CNTN4: variants seen among roughly 807,000 people sequenced by gnomAD.
The protein encoded by CNTN4 is contactin 4, also known as contactin-4.
In CNTN4, 77 loss-of-function variants were observed where a neutral mutation model predicts 122.5. The observed-to-expected ratio is 0.63, with a 90% CI of 0.52 to 0.76. CNTN4 has a LOEUF of 0.76. Among genes scored for constraint, CNTN4 ranks in the 30% least tolerant of loss-of-function variants. The pLI is 0.00. For synonymous variants in CNTN4, 512 were observed against 447.0 expected (o/e 1.15, Z -1.83); for missense variants, 1,256 against 1,259.1 (o/e 1.00, Z 0.04).
At chr3:2,728,748 T>G (rs2149441870) in intron 4 of CNTN4, among the ~76,000 whole-genome samples, 1 of 152,346 alleles carries the variant, frequency 6.6e-6, no homozygotes, top group South Asian at 2.1e-4. Context: ...ACCCATGCAG[T>G]CTTCCCTGGC....
chr3:2,672,281 CAA>C (rs879690833), intron 4 of CNTN4, among the ~76,000 whole-genome samples: 22,413 of 152,084 alleles, frequency 0.15, 2,057 homozygotes, highest in African/African-American at 0.26. Flanking sequence ...GCTTCCAGGC[CAA>C]TTTGTTTACC....
intron 2 of CNTN4, among the ~76,000 whole-genome samples, chr3:2,130,284 T>C (rs1425366870): frequency 6.6e-6 from 1 of 152,168 alleles, no homozygotes; most frequent in Non-Finnish European, 1.5e-5. Flanking sequence ...TCTGGAGCTC[T>C]GAACCATTGA....
chr3:2,508,963 A>G (rs981681692), intron 3 of CNTN4, among the ~76,000 whole-genome samples: 2 of 152,218 alleles, frequency 1.3e-5, no homozygotes, highest in Non-Finnish European at 2.9e-5. Context: ...GAAGTTGGAA[A>G]TTTTTTAGTT....
At chr3:2,181,054 A>C (rs2036992289) in intron 2 of CNTN4, among the ~76,000 whole-genome samples, 1 of 152,094 alleles carries the variant, frequency 6.6e-6, no homozygotes, top group Non-Finnish European at 1.5e-5. Context: ...TTATCAGTGA[A>C]ATGTGCTTTA....
At chr3:2,503,085 A>G (rs1214617322) in intron 3 of CNTN4, among the ~76,000 whole-genome samples, 1 of 152,216 alleles carries the variant, frequency 6.6e-6, no homozygotes, top group Non-Finnish European at 1.5e-5. Context: ...TCATAGTCTA[A>G]TAGAAGAAAT....
At chr3:2,536,752 A>C (rs1291635908) in intron 3 of CNTN4, among the ~76,000 whole-genome samples, 1 of 152,068 alleles carries the variant, frequency 6.6e-6, no homozygotes, top group African/African-American at 2.4e-5. Context: ...TCAGATATCA[A>C]GGCCTAGCAA....
At chr3:2,636,464 G>T (rs562621455) in intron 4 of CNTN4, among the ~76,000 whole-genome samples, 4 of 152,082 alleles carry the variant, frequency 2.6e-5, no homozygotes, top group Admixed American at 2.0e-4. Flanking sequence ...AAAAACCCAG[G>T]AATTATTTAT....
Position 2,346,110 on chromosome 3 carries a change from A to G in CNTN4, c.-89+6877A>G, listed in dbSNP as rs911390178. ...CTGAAATATTTTTAACATTCTTTCC[A>G]TCACCTTACTTTGTGTCAGGATTTT... is the stretch of plus-strand genomic sequence containing the variant. On this transcript the variant is annotated intron_variant, in intron 3 of 24. Coordinates refer to ENST00000418658, the MANE Select transcript of CNTN4 (RefSeq NM_175607.3). Among the ~76,000 whole-genome samples the G allele has an allele frequency of 4.6e-5, 7 of 152,226 alleles. No individual in the cohort carries two copies. In the South Asian group the frequency reaches 1.2e-3, roughly 27 times the overall value.
At chr3:2,893,119 C>T (rs2094063405) in intron 10 of CNTN4, among the ~76,000 whole-genome samples, 1 of 152,116 alleles carries the variant, frequency 6.6e-6, no homozygotes, top group Non-Finnish European at 1.5e-5. Context: ...AGTTGGTCAC[C>T]TGGTTATTGA....
intron 3 of CNTN4, among the ~76,000 whole-genome samples, chr3:2,504,737 G>A (rs2076688423): frequency 6.6e-6 from 1 of 152,076 alleles, no homozygotes; most frequent in Non-Finnish European, 1.5e-5. Context: ...AGGACAAATT[G>A]ACCATACCTT....
At chr3:2,155,164 G>A (rs1241626355) in intron 2 of CNTN4, among the ~76,000 whole-genome samples, 1 of 152,176 alleles carries the variant, frequency 6.6e-6, no homozygotes, top group Non-Finnish European at 1.5e-5. Flanking sequence ...TTCTCATTAT[G>A]TTCAGAAAGC....
chr3:2,207,876 A>G (rs1238706568), intron 2 of CNTN4, among the ~76,000 whole-genome samples: 1 of 152,018 alleles, frequency 6.6e-6, no homozygotes, highest in Non-Finnish European at 1.5e-5. Context: ...TCTTGTTAGG[A>G]GCTAATGTAA....
At chr3:2,960,963 A>G (rs550482180) in intron 13 of CNTN4, among the ~76,000 whole-genome samples, 37 of 151,390 alleles carry the variant, frequency 2.4e-4, no homozygotes, top group African/African-American at 5.6e-4. Flanking sequence ...GGGCGCGGTG[A>G]CTCACGCCTG....
At position 2,812,630 on chromosome 3, in the gene CNTN4, C is replaced by T. The variant is rs574839799; in HGVS notation, c.359-6856C>T. On this transcript the variant is annotated intron_variant, in intron 6 of 24. Transcript: ENST00000418658. ...TTGGCCACTCTAATGTTACTTTATC[C>T]GGTGGAAGTTCTCCCAGTGAGTCAC... is the stretch of plus-strand genomic sequence containing the variant. Among the ~76,000 whole-genome samples, 10 of 151,934 alleles carry T rather than the reference C, an allele frequency of 6.6e-5. No individual in the cohort carries two copies. In the South Asian group the frequency reaches 1.7e-3, roughly 25 times the overall value.
chr3:2,993,187 G>C (rs1159484092), intron 14 of CNTN4, among the ~76,000 whole-genome samples: 1 of 151,946 alleles, frequency 6.6e-6, no homozygotes, highest in East Asian at 1.9e-4. Context: ...ATCTTTTAGT[G>C]TCCATAAATA....
At chr3:2,543,001 A>G (rs923588216) in intron 3 of CNTN4, among the ~76,000 whole-genome samples, 1 of 152,172 alleles carries the variant, frequency 6.6e-6, no homozygotes, top group African/African-American at 2.4e-5. Flanking sequence ...CATCAGCATT[A>G]ACACAGATTA....
At chr3:2,306,873 T>C (rs2042727592) in intron 2 of CNTN4, among the ~76,000 whole-genome samples, 1 of 146,562 alleles carries the variant, frequency 6.8e-6, no homozygotes, top group Admixed American at 6.8e-5. Context: ...TATTTTATTA[T>C]TTTTGATATT....
chr3:2,854,267 T>TC lies in CNTN4; in HGVS notation c.455-12484dup, dbSNP rs762248319. On this transcript the variant is annotated intron_variant, in intron 7 of 24. Transcript: ENST00000418658. Reference sequence around the variant, plus strand: ...CTGGCATTTTATTTTTCTTTCTTCTTCTTTTTTTTTTTTTTTTTTTTTGAG... The same window carrying TC: ...CTGGCATTTTATTTTTCTTTCTTCTTCCTTTTTTTTTTTTTTTTTTTTTGAG... Among the ~76,000 whole-genome samples the TC allele has an allele frequency of 2.8e-3, 297 of 106,560 alleles. 1 individual carries two copies. Among genetic ancestry groups the TC allele is most frequent in the Non-Finnish European group, 4.6e-3 (245 of 53,152 alleles). The allele number at this position is 106,560 out of a possible 152,430, so 69.9% of individuals were successfully genotyped here.
chr3:2,981,000 A>C (rs1014862328), intron 13 of CNTN4, among the ~76,000 whole-genome samples: 12 of 152,162 alleles, frequency 7.9e-5, no homozygotes, highest in Non-Finnish European at 1.5e-4. Context: ...TATTTTAAAC[A>C]TGCCTAGTCC....
Sources: allele counts gnomAD v4.1 joint callset (sites outside exome capture counted in the v4.1 genomes callset), GRCh38; gene constraint gnomAD v4.1.1; transcripts MANE v1.5; gene names NCBI Gene and HGNC (gene_info 2026-07-23, HGNC 2026-07-21).